Variants in SLC26A8 observed in about 807,000 individuals in gnomAD.
SLC26A8 encodes the protein testis anion transporter 1.
A neutral mutation model predicts 105.0 loss-of-function variants in SLC26A8; 70 were observed. The ratio of observed to expected loss-of-function variants is 0.67; its 90% CI spans 0.55 to 0.81. The LOEUF (loss-of-function observed/expected upper bound fraction) is 0.81, where lower values mean the gene tolerates loss of function less well. Ranked by LOEUF, SLC26A8 falls within the 40% of genes least tolerant of loss-of-function variation. SLC26A8 has a pLI of 0.00. For synonymous variants in SLC26A8, 415 were observed against 438.3 expected (o/e 0.95, Z 0.66); for missense variants, 998 against 1,181.8 (o/e 0.84, Z 2.28).
chr6:35,963,400 T>G (rs956898452), intron 11 of SLC26A8, among the ~76,000 whole-genome samples: 1 of 152,180 alleles, frequency 6.6e-6, no homozygotes, highest in Admixed American at 6.5e-5. Flanking sequence ...TTTACAACCC[T>G]AAGCTCCCGC....
intron 1 of SLC26A8, among the ~76,000 whole-genome samples, chr6:36,020,928 A>G (rs1245716584): frequency 6.6e-6 from 1 of 152,098 alleles, no homozygotes; most frequent in Non-Finnish European, 1.5e-5. Flanking sequence ...CTTCAGAAGA[A>G]TCATCATCAT....
At chr6:35,945,557 G>A (rs187468858) in intron 19 of SLC26A8, among the ~76,000 whole-genome samples, 45 of 152,178 alleles carry the variant, frequency 3.0e-4, no homozygotes, top group African/African-American at 8.7e-4. Context: ...AGCTTTGTGC[G>A]TGCCATTCCC....
chr6:35,987,956 G>A (rs1209089496), intron 7 of SLC26A8, among the ~76,000 whole-genome samples: 1 of 148,658 alleles, frequency 6.7e-6, no homozygotes, highest in Admixed American at 6.8e-5. Context: ...CTGTCGTCCA[G>A]GCTGGAGGGC....
At chr6:35,949,007 C>G (rs1771768756) in intron 19 of SLC26A8, among the ~76,000 whole-genome samples, 1 of 152,192 alleles carries the variant, frequency 6.6e-6, no homozygotes. Context: ...TCTTGGACTT[C>G]TCGCATTCAG....
rs5875527 is a variant in SLC26A8, at chr6:36,003,667, CTTTT to C, written c.329-3563_329-3560del. 9.7e-3 allele frequency among the ~76,000 whole-genome samples: 1,398 copies of C among 144,254 alleles called. 16 individuals are homozygous for C. The highest frequency in any genetic ancestry group is 0.034 in the African/African-American group (1,322 of 39,148). 94.6% of individuals were successfully genotyped at this position (144,254 alleles called of 152,430 possible). On this transcript the variant is annotated intron_variant, in intron 3 of 19. Coordinates refer to ENST00000490799, the MANE Select transcript of SLC26A8 (RefSeq NM_052961.4). ...ATAATTTCTTTTCTTTTCTTTTTTT[CTTTT>C]TTTTTTTTGAGACAGAGTCTCACTC...
intron 11 of SLC26A8, among the ~76,000 whole-genome samples, chr6:35,968,609 G>GTGTGTGTGTATATA (rs1168496588): frequency 8.3e-5 from 5 of 60,082 alleles, no homozygotes; most frequent in African/African-American, 2.1e-4. Context: ...GTGTGTGTGT[G>GTGTGTGTGTATATA]TATATATATA....
chr6:36,023,215 AAT>A (rs1562081410), intron 1 of SLC26A8, among the ~76,000 whole-genome samples: 6 of 151,786 alleles, frequency 4.0e-5, no homozygotes. Flanking sequence ...CCATTTATCT[AAT>A]TATTTACATT....
In SLC26A8 at chr6:35,951,201, C is replaced by T. The variant is rs142724470; in HGVS notation, c.2434G>A (p.Glu812Lys). 1.7e-4 allele frequency: 280 copies of T among 1,613,242 alleles called. 2 individuals carry two copies. In the African/African-American group the frequency reaches 2.7e-3, roughly 16 times the overall value. The change falls in exon 19 of 20, where the codon GAG becomes AAG. Residue 812 changes from glutamate to lysine, a missense_variant. By Grantham distance (56) the Glu-to-Lys change is moderately conservative. Coordinates refer to ENST00000490799, the MANE Select transcript of SLC26A8 (RefSeq NM_052961.4). ...GSSELSIDES[E>K]TVIRETYSET... is the part of the protein sequence containing the mutation. ...GAGTAGGTTTCCCGTATCACTGTCT[C>T]GGATTCATCGATGCTTAACTCAGAG...
intron 16 of SLC26A8, among the ~76,000 whole-genome samples, chr6:35,955,887 G>T (rs567013118): frequency 4.6e-5 from 7 of 152,096 alleles, no homozygotes; most frequent in African/African-American, 1.7e-4. Context: ...TCAGTCCCTT[G>T]TCTCAGCACC....
Position 35,951,167 on chromosome 6 carries a change from T to A in SLC26A8, c.2468A>T (p.Asp823Val). The A allele has an allele frequency of 6.2e-7, 1 of 1,612,976 alleles. No homozygotes were observed. Among genetic ancestry groups the A allele is most frequent in the Non-Finnish European group, 8.5e-7 (1 of 1,179,746 alleles). Residue 823 changes from aspartate to valine, a missense_variant, in exon 19 of 20, where the codon GAC (aspartate) becomes GTC (valine). Physicochemically the swap from Asp to Val is radical, Grantham distance 152. Transcript: ENST00000490799. ...TVIRETYSET[D>V]KNDNSRYKMS... ...TGCTTTGTCGGTTTGTCTGACCTTG[T>A]CTGTTTCTGAGTAGGTTTCCCGTAT...
chr6:35,982,236 A>G, intron 7 of SLC26A8, 33 bp from the exon 8 acceptor site: 1 of 1,597,114 alleles, frequency 6.3e-7, no homozygotes, highest in Non-Finnish European at 8.6e-7. Flanking sequence ...GGATGGGGGC[A>G]TATGAATACC....
chr6:35,985,590 G>C (rs906152341), intron 7 of SLC26A8, among the ~76,000 whole-genome samples: 1 of 151,122 alleles, frequency 6.6e-6, no homozygotes, highest in Non-Finnish European at 1.5e-5. Flanking sequence ...CTACTCGGGA[G>C]GCTGAGGCAG....
intron 2 of SLC26A8, among the ~76,000 whole-genome samples, chr6:36,016,151 G>A (rs1467126373): frequency 6.6e-6 from 1 of 151,928 alleles, no homozygotes; most frequent in Non-Finnish European, 1.5e-5. Context: ...GCGCCACCAA[G>A]CCCAGCTAAT....
At chr6:35,997,602 C>T (rs1008990821) in intron 5 of SLC26A8, 136 bp downstream of exon 5, 8 of 843,812 alleles carry the variant, frequency 9.5e-6, no homozygotes, top group Non-Finnish European at 1.4e-5. Flanking sequence ...ATTCACACAG[C>T]CTCTGATTTT....
intron 10 of SLC26A8, among the ~76,000 whole-genome samples, chr6:35,971,474 G>A (rs1341954082): frequency 1.3e-5 from 2 of 152,178 alleles, no homozygotes; most frequent in Non-Finnish European, 2.9e-5. Context: ...TGTACAGGGG[G>A]CTCCATGAAG....
At chr6:35,952,659 GA>G (rs1473188717) in intron 17 of SLC26A8, among the ~76,000 whole-genome samples, 1 of 152,130 alleles carries the variant, frequency 6.6e-6, no homozygotes, top group Non-Finnish European at 1.5e-5. Context: ...ACAAGTGCTG[GA>G]AAAGGAAAGT....
At chr6:35,987,212 G>A (rs1054861308) in intron 7 of SLC26A8, among the ~76,000 whole-genome samples, 29 of 152,288 alleles carry the variant, frequency 1.9e-4, no homozygotes, top group African/African-American at 7.0e-4. Context: ...TAGTATAAGT[G>A]GGTTATGCTG....
At chr6:35,960,265 T>TC (rs1333902631) in intron 14 of SLC26A8, 1 of 159,042 alleles carries the variant, frequency 6.3e-6, no homozygotes, top group African/African-American at 2.4e-5. Flanking sequence ...CTGTCTTCTT[T>TC]CTCCCTTCAT....
intron 16 of SLC26A8, among the ~76,000 whole-genome samples, chr6:35,958,214 A>C (rs566764835): frequency 1.3e-3 from 202 of 152,262 alleles, no homozygotes; most frequent in African/African-American, 4.7e-3. Flanking sequence ...AGCTGTTAGA[A>C]TCTAGCTGGG....
Sources: gnomAD v4.1 joint callset for allele counts (sites outside exome capture counted in the v4.1 genomes callset) on GRCh38, gnomAD v4.1.1 for gene constraint, MANE v1.5 for transcripts, NCBI Gene and HGNC (gene_info 2026-07-23, HGNC 2026-07-21) for gene names.